The following KCNIP4 variants were observed in gnomAD, a reference collection of about 807,000 sequenced individuals.
KCNIP4 encodes potassium voltage-gated channel interacting protein 4, also known as Kv channel-interacting protein 4.
A neutral mutation model predicts 34.0 loss-of-function variants in KCNIP4; 12 were observed. The observed-to-expected ratio is 0.35, with a 90% CI of 0.23 to 0.57. The LOEUF is 0.57. Ranked by LOEUF, KCNIP4 falls within the 20% of genes least tolerant of loss-of-function variation. The pLI, the probability that KCNIP4 is intolerant of heterozygous loss-of-function variation, is 0.83. For missense variants in KCNIP4, 238 were observed against 311.7 expected, an observed-to-expected ratio of 0.76 and a Z score of 1.78; for synonymous variants, 124 against 102.2, an observed-to-expected ratio of 1.21 and a Z score of -1.29.
chr4:20,925,478 T>A (rs761901244), intron 1 of KCNIP4, among the ~76,000 whole-genome samples: 48 of 152,314 alleles, frequency 3.2e-4, no homozygotes, highest in South Asian at 2.1e-4. Context: ...TTGCCCTATG[T>A]TCTAAAAACA....
chr4:20,798,962 T>A (rs1327987241), intron 3 of KCNIP4, among the ~76,000 whole-genome samples: 5 of 152,208 alleles, frequency 3.3e-5, no homozygotes, highest in Non-Finnish European at 7.3e-5. Flanking sequence ...TTGCCTGTAC[T>A]GCTACTGCAC....
At chr4:21,753,000 T>A (rs1291008260) in intron 1 of KCNIP4, among the ~76,000 whole-genome samples, 7 of 152,182 alleles carry the variant, frequency 4.6e-5, no homozygotes, top group South Asian at 2.1e-4. Flanking sequence ...GGTTTTTTTT[T>A]ATCTTTTTTT....
chr4:21,517,230 G>T (rs1734840577), intron 1 of KCNIP4, among the ~76,000 whole-genome samples: 1 of 152,112 alleles, frequency 6.6e-6, no homozygotes. Flanking sequence ...AACATACTCA[G>T]AAACAACCAC....
intron 1 of KCNIP4, among the ~76,000 whole-genome samples, chr4:21,936,394 G>A (rs889910623): frequency 1.3e-5 from 2 of 152,092 alleles, no homozygotes; most frequent in African/African-American, 2.4e-5. Context: ...TACCATGACG[G>A]TGAGGTCTGC....
chr4:21,000,257 C>G (rs1318243619), intron 1 of KCNIP4, among the ~76,000 whole-genome samples: 1 of 152,156 alleles, frequency 6.6e-6, no homozygotes, highest in Admixed American at 6.5e-5. Flanking sequence ...CATGACTCCT[C>G]TAATAAGTCG....
At chr4:20,734,049 G>A (rs1416151305) in intron 6 of KCNIP4, among the ~76,000 whole-genome samples, 1 of 152,110 alleles carries the variant, frequency 6.6e-6, no homozygotes, top group African/African-American at 2.4e-5. Context: ...TTTAGGGAGT[G>A]GTCTTTCAAC....
intron 1 of KCNIP4, among the ~76,000 whole-genome samples, chr4:21,060,181 T>C (rs1022039513): frequency 7.9e-5 from 12 of 152,264 alleles, no homozygotes; most frequent in East Asian, 3.9e-4. Context: ...AATGAAAGCA[T>C]TGGCTAAATG....
At chr4:21,267,502 T>G (rs1761886722) in intron 1 of KCNIP4, among the ~76,000 whole-genome samples, 1 of 151,552 alleles carries the variant, frequency 6.6e-6, no homozygotes, top group African/African-American at 2.4e-5. Flanking sequence ...AAATAGCTCT[T>G]ATTATTTTGA....
Position 21,234,331 on chromosome 4 carries a change from A to C in KCNIP4, c.62-351622T>G, listed in dbSNP as rs1003063285. Among the ~76,000 whole-genome samples, 253 of 73,956 alleles carry C rather than the reference A, an allele frequency of 3.4e-3. 7 individuals are homozygous for C. The East Asian group carries it at 0.055, about 16-fold the overall frequency. 48.5% of individuals were successfully genotyped at this position (73,956 alleles called of 152,430 possible). ...TATAACATATATATAACATATATAA[A>C]TTATATATAACATACATTATATATA... On this transcript the variant is annotated intron_variant, in intron 1 of 8. Coordinates refer to ENST00000382152, the MANE Select transcript of KCNIP4 (RefSeq NM_025221.6).
chr4:21,612,254 C>G (rs1744213977), intron 1 of KCNIP4, among the ~76,000 whole-genome samples: 1 of 152,046 alleles, frequency 6.6e-6, no homozygotes, highest in East Asian at 1.9e-4. Context: ...ACAAATGGAG[C>G]TGGGTTGCAT....
intron 1 of KCNIP4, among the ~76,000 whole-genome samples, chr4:21,660,117 T>C (rs979057126): frequency 2.0e-5 from 3 of 152,136 alleles, no homozygotes; most frequent in African/African-American, 7.2e-5. Flanking sequence ...TTATTTAAAG[T>C]CTTAGGATTT....
chr4:21,556,934 A>AAAAAAAAAAAAAAAACAAAC (rs1739107567), intron 1 of KCNIP4, among the ~76,000 whole-genome samples: 1 of 149,890 alleles, frequency 6.7e-6, no homozygotes, highest in Non-Finnish European at 1.5e-5. Flanking sequence ...AAAAAAAAAA[A>AAAAAAAAAAAAAAAACAAAC]AAAAAAAAAC....
chr4:21,657,030 A>G (rs1748012428), intron 1 of KCNIP4, among the ~76,000 whole-genome samples: 1 of 152,082 alleles, frequency 6.6e-6, no homozygotes, highest in African/African-American at 2.4e-5. Flanking sequence ...CACTGCTACC[A>G]TTTCCCTTCA....
chr4:21,009,588 C>T (rs763843797), intron 1 of KCNIP4, among the ~76,000 whole-genome samples: 6 of 152,190 alleles, frequency 3.9e-5, no homozygotes, highest in Non-Finnish European at 8.8e-5. Context: ...TCCTAAACTC[C>T]TCTGTAGTGC....
At chr4:21,917,812 A>C (rs765826872) in intron 1 of KCNIP4, among the ~76,000 whole-genome samples, 29 of 152,228 alleles carry the variant, frequency 1.9e-4, no homozygotes, top group Non-Finnish European at 3.7e-4. Flanking sequence ...TTGCAATTAC[A>C]AGACGAATGA....
chr4:21,458,986 C>T (rs1560426140), intron 1 of KCNIP4, among the ~76,000 whole-genome samples: 1 of 152,042 alleles, frequency 6.6e-6, no homozygotes. Context: ...GCTCTAAGCT[C>T]CAGCTCTCCT....
chr4:20,864,179 T>A (rs200417981), intron 2 of KCNIP4, among the ~76,000 whole-genome samples: 1 of 66,028 alleles, frequency 1.5e-5, no homozygotes, highest in Admixed American at 2.2e-4. Context: ...TATACACATG[T>A]ATGTATGCGT....
intron 8 of KCNIP4, among the ~76,000 whole-genome samples, chr4:20,730,828 C>CACTT (rs1243276685): frequency 1.3e-5 from 2 of 152,132 alleles, no homozygotes; most frequent in African/African-American, 4.8e-5. Flanking sequence ...ATGTGAATAG[C>CACTT]ACTTACTGAG....
At chr4:21,667,393 A>T (rs552989280) in intron 1 of KCNIP4, among the ~76,000 whole-genome samples, 1 of 152,212 alleles carries the variant, frequency 6.6e-6, no homozygotes, top group Non-Finnish European at 1.5e-5. Flanking sequence ...TAAAGACATC[A>T]CACACAAACA....
Sources: allele counts gnomAD v4.1 joint callset (sites outside exome capture counted in the v4.1 genomes callset), GRCh38; gene constraint gnomAD v4.1.1; transcripts MANE v1.5; gene names NCBI Gene and HGNC (gene_info 2026-07-23, HGNC 2026-07-21).